GORAB: variants seen among roughly 807,000 people sequenced by gnomAD.
The protein encoded by GORAB is golgin, RAB6 interacting.
A neutral mutation model predicts 29.9 loss-of-function variants in GORAB; 17 were observed. The ratio of observed to expected loss-of-function variants is 0.57; its 90% confidence interval spans 0.39 to 0.85. The LOEUF is 0.85. Among genes scored for constraint, GORAB ranks in the 40% least tolerant of loss-of-function variants. The pLI is 0.00. For missense variants in GORAB, 442 were observed against 437.8 expected, an observed-to-expected ratio of 1.01 and a Z score of -0.09; for synonymous variants, 183 against 157.2, an observed-to-expected ratio of 1.16 and a Z score of -1.23.
At chr1:170,546,550 C>T (rs930124014) in intron 4 of GORAB, among the ~76,000 whole-genome samples, 1 of 152,112 alleles carries the variant, frequency 6.6e-6, no homozygotes, top group African/African-American at 2.4e-5. Flanking sequence ...AAAAAACATC[C>T]TATAGTCTAT....
chr1:170,533,403 G>A, intron 1 of GORAB: 1 of 334,674 alleles, frequency 3.0e-6, no homozygotes, highest in Non-Finnish European at 6.4e-6. Context: ...TGTGTTGCTT[G>A]ATATACTCAA....
At chr1:170,539,599 C>A (rs1156883006) in intron 2 of GORAB, 32 bp downstream of exon 2, 1 of 1,602,734 alleles carries the variant, frequency 6.2e-7, no homozygotes, top group South Asian at 1.1e-5. Context: ...GTCCATGAGA[C>A]TTTTCATTTA....
intron 1 of GORAB, among the ~76,000 whole-genome samples, chr1:170,536,872 G>T (rs1649094299): frequency 6.6e-6 from 1 of 152,134 alleles, no homozygotes; most frequent in South Asian, 2.1e-4. Context: ...AGAAATATTT[G>T]TAGATGCAAT....
At chr1:170,551,477 T>G (rs960248678) in intron 4 of GORAB, among the ~76,000 whole-genome samples, 1 of 152,224 alleles carries the variant, frequency 6.6e-6, no homozygotes, top group Non-Finnish European at 1.5e-5. Context: ...TTTTCTAATT[T>G]ATTAATCAAG....
Position 170,547,068 on chromosome 1 carries a change from C to G in GORAB, c.662+2223C>G, listed in dbSNP as rs1004333297. ...TTTGGTGACTAGAACCGTAGTGTGT[C>G]TTGTTCATGCGTAAGATTAAGGTAT... On this transcript the variant is annotated intron_variant, in intron 4 of 4. Transcript: ENST00000367763. Among the ~76,000 whole-genome samples, 6 of 152,244 alleles carry G rather than the reference C, an allele frequency of 3.9e-5. No homozygotes were observed. In the East Asian group the frequency reaches 9.6e-4, roughly 24 times the overall value.
chr1:170,547,412 GCTA>G (rs1312259573), intron 4 of GORAB, among the ~76,000 whole-genome samples: 50 of 2,632 alleles, frequency 0.019, no homozygotes, highest in Admixed American at 0.18. Context: ...TGCTGCTGCT[GCTA>G]CTGCTGCTAC....
chr1:170,542,201 G>T (rs1052555992), intron 2 of GORAB, among the ~76,000 whole-genome samples: 1 of 152,078 alleles, frequency 6.6e-6, no homozygotes, highest in African/African-American at 2.4e-5. Context: ...CTAAACACAT[G>T]CCACAGTATT....
chr1:170,549,537 A>T (rs1649988058), intron 4 of GORAB, among the ~76,000 whole-genome samples: 1 of 152,216 alleles, frequency 6.6e-6, no homozygotes, highest in Non-Finnish European at 1.5e-5. Context: ...TGGCTGAAGG[A>T]GACCACAGAC....
At chr1:170,546,126 C>A (rs182539889) in intron 4 of GORAB, among the ~76,000 whole-genome samples, 1 of 152,112 alleles carries the variant, frequency 6.6e-6, no homozygotes, top group Non-Finnish European at 1.5e-5. Context: ...CACGGTGGCT[C>A]ACGCCTGTAA....
At chr1:170,538,969 C>CT (rs1209601241) in intron 1 of GORAB, 8 of 546,124 alleles carry the variant, frequency 1.5e-5, no homozygotes, top group Non-Finnish European at 1.9e-5. Context: ...CACTGATGGA[C>CT]TTTCTCTGAA....
intron 1 of GORAB, among the ~76,000 whole-genome samples, chr1:170,538,813 T>A (rs937138874): frequency 6.6e-6 from 1 of 152,228 alleles, no homozygotes; most frequent in African/African-American, 2.4e-5. Flanking sequence ...CCATTTTGTT[T>A]CAGTAGAGCA....
At chr1:170,544,618 C>A in intron 3 of GORAB, 87 bp from the exon 4 acceptor site, 1 of 940,046 alleles carries the variant, frequency 1.1e-6, no homozygotes, top group South Asian at 1.5e-5. Context: ...AATGTATATG[C>A]AGTATCTTGC....
intron 1 of GORAB, among the ~76,000 whole-genome samples, chr1:170,535,946 G>A (rs1467133288): frequency 6.6e-6 from 1 of 151,978 alleles, no homozygotes; most frequent in Non-Finnish European, 1.5e-5. Flanking sequence ...ACTTAGTATA[G>A]TAGTTACAGG....
intron 1 of GORAB, among the ~76,000 whole-genome samples, chr1:170,537,682 GC>G (rs1212402809): frequency 6.6e-6 from 1 of 152,070 alleles, no homozygotes; most frequent in Non-Finnish European, 1.5e-5. Context: ...CTCGGAATTT[GC>G]CCCCTTTACA....
chr1:170,551,027 C>CATAAACT (rs1189850022), intron 4 of GORAB, among the ~76,000 whole-genome samples: 199 of 152,282 alleles, frequency 1.3e-3, no homozygotes, highest in African/African-American at 4.7e-3. Flanking sequence ...CATAAGATTA[C>CATAAACT]CTGTCAACAG....
chr1:170,536,737 A>G (rs1020830880), intron 1 of GORAB, among the ~76,000 whole-genome samples: 23 of 152,242 alleles, frequency 1.5e-4, no homozygotes, highest in Admixed American at 1.3e-4. Context: ...AATGTTATAC[A>G]ACAAAATGAA....
chr1:170,549,552 A>C (rs1649988859), intron 4 of GORAB, among the ~76,000 whole-genome samples: 1 of 152,198 alleles, frequency 6.6e-6, no homozygotes, highest in South Asian at 2.1e-4. Flanking sequence ...ACAGACTTGC[A>C]GAAAAGGGAG....
intron 4 of GORAB, among the ~76,000 whole-genome samples, chr1:170,550,013 T>C (rs1650014314): frequency 1.3e-5 from 2 of 152,198 alleles, no homozygotes; most frequent in South Asian, 4.1e-4. Flanking sequence ...CTATGAGGTA[T>C]TATTATCATC....
At chr1:170,541,886 G>C (rs1298430807) in intron 2 of GORAB, among the ~76,000 whole-genome samples, 6 of 152,100 alleles carry the variant, frequency 3.9e-5, no homozygotes, top group Non-Finnish European at 7.4e-5. Flanking sequence ...GCAGAGGCGG[G>C]AGGATAGCTT....
Sources: gnomAD v4.1 joint callset for allele counts (sites outside exome capture counted in the v4.1 genomes callset) on GRCh38, gnomAD v4.1.1 for gene constraint, MANE v1.5 for transcripts, NCBI Gene and HGNC (gene_info 2026-07-23, HGNC 2026-07-21) for gene names.